Variants in TRAPPC9 observed in about 807,000 individuals in gnomAD.
TRAPPC9 encodes the protein IKK2 binding protein.
In TRAPPC9, 83 loss-of-function variants were observed where a neutral mutation model predicts 124.0. That is an observed-to-expected ratio of 0.67 (90% CI 0.56 to 0.80). The LOEUF is 0.80. Ranked by LOEUF, TRAPPC9 falls within the 30% of genes least tolerant of loss-of-function variation. The pLI is 0.00. For missense variants in TRAPPC9, 1,302 were observed against 1,508.3 expected (o/e 0.86, Z 2.27); for synonymous variants, 638 against 617.5 (o/e 1.03, Z -0.49).
At chr8:140,126,192 C>A (rs2061093673) in intron 17 of TRAPPC9, among the ~76,000 whole-genome samples, 1 of 152,124 alleles carries the variant, frequency 6.6e-6, no homozygotes, top group Non-Finnish European at 1.5e-5. Flanking sequence ...AGATGAGGGG[C>A]AAAGCTGCTC....
chr8:140,092,623 T>C (rs1334418175), intron 17 of TRAPPC9, among the ~76,000 whole-genome samples: 1 of 152,210 alleles, frequency 6.6e-6, no homozygotes, highest in Admixed American at 6.5e-5. Context: ...ACAGACTGAC[T>C]GGCCCCTCAA....
chr8:140,342,852 G>A (rs1163030716), intron 9 of TRAPPC9, among the ~76,000 whole-genome samples: 1 of 152,128 alleles, frequency 6.6e-6, no homozygotes, highest in Non-Finnish European at 1.5e-5. Flanking sequence ...TTTATGCTCT[G>A]CTATATGAAG....
At chr8:140,151,369 T>C (rs533468571) in intron 17 of TRAPPC9, among the ~76,000 whole-genome samples, 25 of 152,318 alleles carry the variant, frequency 1.6e-4, no homozygotes, top group Admixed American at 5.9e-4. Flanking sequence ...CTGGGAGGGC[T>C]GCTGTGATAA....
intron 18 of TRAPPC9, among the ~76,000 whole-genome samples, chr8:140,008,170 A>C (rs1376002525): frequency 6.6e-6 from 1 of 152,244 alleles, no homozygotes; most frequent in Non-Finnish European, 1.5e-5. Flanking sequence ...GGATGGGATG[A>C]AGCAGATACA....
chr8:140,218,676 G>A (rs907827173), intron 17 of TRAPPC9, among the ~76,000 whole-genome samples: 6 of 152,040 alleles, frequency 3.9e-5, no homozygotes, highest in Admixed American at 1.3e-4. Flanking sequence ...ATAACAGTGG[G>A]AGGCCAGGTG....
intron 17 of TRAPPC9, among the ~76,000 whole-genome samples, chr8:140,194,562 TG>T (rs1450269981): frequency 1.3e-5 from 2 of 152,160 alleles, no homozygotes; most frequent in African/African-American, 4.8e-5. Context: ...GGAACCCACA[TG>T]GACACAGAGG....
chr8:139,877,531 G>A (rs1385833221), intron 21 of TRAPPC9, among the ~76,000 whole-genome samples: 1 of 152,212 alleles, frequency 6.6e-6, no homozygotes, highest in Non-Finnish European at 1.5e-5. Flanking sequence ...GCATGGCCCT[G>A]CTCCTGGCCC....
At chr8:139,774,949 G>A (rs1821254877) in intron 21 of TRAPPC9, among the ~76,000 whole-genome samples, 2 of 152,346 alleles carry the variant, frequency 1.3e-5, no homozygotes, top group South Asian at 4.1e-4. Flanking sequence ...AAGAACCTGA[G>A]CAGAACGCCC....
rs1371422884 is a variant in TRAPPC9 at position 140,241,299 on chromosome 8, G to T, written c.2431+11478C>A. 2.6e-5 allele frequency among the ~76,000 whole-genome samples: 4 copies of T among 151,414 alleles called. No homozygotes were observed. Among genetic ancestry groups the T allele is most frequent in the African/African-American group, 9.7e-5 (4 of 41,112 alleles). ...CTGTAATCCCAGCTACTAGGGAGGA[G>T]AATCACTTGAACCCAGGAGATCACT... On this transcript the variant is annotated intron_variant, in intron 16 of 22. Transcript: ENST00000438773. The surrounding 1 kb of genome is among the most constrained non-coding windows in gnomAD (Gnocchi z 5.0).
intron 11 of TRAPPC9, among the ~76,000 whole-genome samples, chr8:140,291,418 G>A (rs1465857506): frequency 6.6e-6 from 1 of 152,238 alleles, no homozygotes; most frequent in Non-Finnish European, 1.5e-5. Context: ...AACACAGGAA[G>A]ACGGCACTGG....
intron 17 of TRAPPC9, among the ~76,000 whole-genome samples, chr8:140,053,238 A>G (rs56294992): frequency 0.015 from 2,307 of 152,344 alleles, 59 homozygotes; most frequent in African/African-American, 0.052. Context: ...AACACAGAGG[A>G]AAACTTTTTA....
intron 19 of TRAPPC9, among the ~76,000 whole-genome samples, chr8:139,955,861 C>A (rs1389559361): frequency 6.6e-6 from 1 of 152,228 alleles, no homozygotes; most frequent in Non-Finnish European, 1.5e-5. Flanking sequence ...GAAAGCTCTG[C>A]AGCGCTTCTG....
chr8:140,242,580 G>A (rs992699379), intron 16 of TRAPPC9, among the ~76,000 whole-genome samples: 12 of 152,176 alleles, frequency 7.9e-5, no homozygotes, highest in African/African-American at 2.4e-4. Context: ...AGGTGTTTTC[G>A]GGGCTGCCAG....
intron 1 of TRAPPC9, chr8:140,456,849 C>T (rs998554133): frequency 5.6e-5 from 55 of 985,246 alleles, no homozygotes; most frequent in Non-Finnish European, 6.3e-5. Flanking sequence ...TCTATAGAAA[C>T]ATTTGAAGAC....
chr8:139,793,951 C>G (rs986831798), intron 21 of TRAPPC9, among the ~76,000 whole-genome samples: 2 of 152,204 alleles, frequency 1.3e-5, no homozygotes, highest in African/African-American at 4.8e-5. Flanking sequence ...AGCTCCACCC[C>G]ACTGGCCACA....
At chr8:140,138,330 A>T (rs1380218065) in intron 17 of TRAPPC9, among the ~76,000 whole-genome samples, 1 of 152,160 alleles carries the variant, frequency 6.6e-6, no homozygotes, top group Non-Finnish European at 1.5e-5. Flanking sequence ...TGTAAAAATA[A>T]AATAGCAACT....
intron 17 of TRAPPC9, among the ~76,000 whole-genome samples, chr8:140,128,724 G>A (rs1307263403): frequency 2.0e-5 from 3 of 152,172 alleles, no homozygotes; most frequent in South Asian, 2.1e-4. Flanking sequence ...TGGCGGAGCC[G>A]AGATGGGGAG....
intron 17 of TRAPPC9, among the ~76,000 whole-genome samples, chr8:140,091,614 G>A (rs1201814005): frequency 2.0e-5 from 3 of 152,186 alleles, no homozygotes; most frequent in African/African-American, 4.8e-5. Flanking sequence ...TAAAGTCAAG[G>A]ATGGAGCTAA....
At chr8:140,069,806 A>G (rs180995442) in intron 17 of TRAPPC9, among the ~76,000 whole-genome samples, 1 of 152,192 alleles carries the variant, frequency 6.6e-6, no homozygotes, top group East Asian at 1.9e-4. Flanking sequence ...CGAAAGCCTC[A>G]AAGCCAGTGA....
Sources: gnomAD v4.1 joint callset for allele counts (sites outside exome capture counted in the v4.1 genomes callset) on GRCh38, gnomAD v4.1.1 for gene constraint, Gnocchi (gnomAD v3.1) non-coding constraint, MANE v1.5 for transcripts, NCBI Gene and HGNC (gene_info 2026-07-23, HGNC 2026-07-21) for gene names.